The following SLC25A46 variants were observed in gnomAD, a reference collection of about 807,000 sequenced individuals.
The protein encoded by SLC25A46 is mitochondrial outer membrane protein SLC25A46.
In SLC25A46, 39 loss-of-function variants were observed where a neutral mutation model predicts 44.6. That is an observed-to-expected ratio of 0.87 (90% confidence interval 0.68 to 1.14). The LOEUF is 1.14. Ranked by LOEUF, SLC25A46 falls within the 50% of genes most tolerant of loss-of-function variation. SLC25A46 has a pLI of 0.00. For synonymous variants in SLC25A46, 202 were observed against 185.8 expected, an observed-to-expected ratio of 1.09 and a Z score of -0.71; for missense variants, 547 against 522.7, an observed-to-expected ratio of 1.05 and a Z score of -0.45.
At chr5:110,739,000 G>A, upstream of SLC25A46, 5 of 1,466,444 alleles carry the variant, frequency 3.4e-6, no homozygotes, top group Non-Finnish European at 2.7e-6. Flanking sequence ...CGTGACTTCC[G>A]GTTGTCAGAA....
At chr5:110,755,316 C>G in intron 5 of SLC25A46, 149 bp from the exon 6 acceptor site, 1 of 559,318 alleles carries the variant, frequency 1.8e-6, no homozygotes, top group South Asian at 2.4e-5. Context: ...ACACTGTGTT[C>G]TAGAAAAGAA....
intron 5 of SLC25A46, chr5:110,754,379 T>C (rs1417808704): frequency 3.3e-5 from 5 of 150,626 alleles, no homozygotes; most frequent in African/African-American, 9.7e-5. Context: ...TTTCTTCTTA[T>C]TTACTTTCTT....
upstream of SLC25A46, chr5:110,738,810 C>A: frequency 2.0e-6 from 1 of 511,800 alleles, no homozygotes; most frequent in Non-Finnish European, 3.3e-6. Flanking sequence ...CACCAGTTCT[C>A]TTTCTGGAAT....
chr5:110,760,640 C>T (rs1046088853), intron 7 of SLC25A46, among the ~76,000 whole-genome samples: 5 of 152,102 alleles, frequency 3.3e-5, no homozygotes, highest in Non-Finnish European at 7.4e-5. Context: ...TTCATATCCC[C>T]AAAATTCTAC....
At chr5:110,745,397 G>A (rs1799790937) in intron 3 of SLC25A46, among the ~76,000 whole-genome samples, 2 of 152,068 alleles carry the variant, frequency 1.3e-5, no homozygotes, top group Non-Finnish European at 2.9e-5. Context: ...GGGACTACAG[G>A]AGCCCGCCAC....
intron 6 of SLC25A46, 97 bp from the exon 7 acceptor site, chr5:110,756,605 G>T: frequency 1.3e-6 from 1 of 743,196 alleles, no homozygotes; most frequent in South Asian, 2.1e-5. Context: ...ATTCTAGCTT[G>T]ACTATAAATT....
intron 7 of SLC25A46, among the ~76,000 whole-genome samples, chr5:110,760,211 C>G (rs1198682654): frequency 1.3e-5 from 2 of 152,082 alleles, no homozygotes; most frequent in African/African-American, 2.4e-5. Context: ...TTGCATACCC[C>G]AAATGCAATT....
Position 110,739,062 on chromosome 5 carries a change from T to TGGTGGCCCC in SLC25A46, c.-52_-44dup, listed in dbSNP as rs1157696477. The TGGTGGCCCC allele has an allele frequency of 6.6e-7, 1 of 1,526,336 alleles. No homozygotes were observed. The highest frequency in any genetic ancestry group is 8.8e-7 in the Non-Finnish European group (1 of 1,142,420). 94.5% of individuals were successfully genotyped at this position (1,526,336 alleles called of 1,614,324 possible). On this transcript the variant is annotated 5_prime_UTR_variant, in exon 1 of 8. Transcript: ENST00000355943. Reference sequence around the variant, plus strand: ...CGGGAAGCTGTGTGTGCTTAGGTCGTGGTGGCCCCGGTGGTGGTGGGCTCC... The same window carrying TGGTGGCCCC: ...CGGGAAGCTGTGTGTGCTTAGGTCGTGGTGGCCCCGGTGGCCCCGGTGGTGGTGGGCTCC...
In SLC25A46 at chr5:110,761,293, A is replaced by G. The variant is rs767016318; in HGVS notation, c.768A>G (p.Lys256=). Residue 256 remains lysine, a synonymous_variant, in exon 8 of 8, where the codon AAA becomes AAG. Transcript: ENST00000355943. This position sits in a 1 kb window ranked among gnomAD's most constrained non-coding sequence, Gnocchi z 5.3. ...RVIGMGVPHS[K]RLLPLLSLIF... is the part of the protein sequence containing the mutation. Reference sequence around the variant, plus strand: ...TAGGCATGGGAGTGCCTCATAGCAAACGACTTCTTCCGCTTCTTTCCTTGA... The same window carrying G: ...TAGGCATGGGAGTGCCTCATAGCAAGCGACTTCTTCCGCTTCTTTCCTTGA... 1 of 1,613,730 alleles carries G rather than the reference A, an allele frequency of 6.2e-7. No individual in the cohort carries two copies. The highest frequency in any genetic ancestry group is 8.5e-7 in the Non-Finnish European group (1 of 1,179,760).
chr5:110,747,177 A>G (rs1286792480), intron 4 of SLC25A46, among the ~76,000 whole-genome samples: 2 of 152,336 alleles, frequency 1.3e-5, no homozygotes, highest in East Asian at 3.9e-4. Context: ...AGGATGTCCT[A>G]TGACATTGCA....
At chr5:110,756,872 A>G (rs1800130320) in intron 7 of SLC25A46, 113 bp downstream of exon 7, 2 of 584,482 alleles carry the variant, frequency 3.4e-6, no homozygotes, top group Non-Finnish European at 5.5e-6. Context: ...ATGTCTTAAA[A>G]TATTTATTTT....
chr5:110,738,523 A>T (rs1399243113), upstream of SLC25A46, among the ~76,000 whole-genome samples: 1 of 152,060 alleles, frequency 6.6e-6, no homozygotes, highest in Non-Finnish European at 1.5e-5. Flanking sequence ...TTTCGCGTTC[A>T]CTGGGCGGTA....
rs1287307533 is a variant in SLC25A46, at chr5:110,761,590, T to G, written c.1065T>G (p.Leu355=). The G allele has an allele frequency of 6.2e-7, 1 of 1,613,768 alleles. No homozygotes were observed. The highest frequency in any genetic ancestry group is 8.5e-7 in the Non-Finnish European group (1 of 1,179,770). ...GTRTIIDNTD[L]GYEVLPINTQ... Reference sequence around the variant, plus strand: ...GCACAATAATTGACAATACAGACCTTGGCTATGAAGTGCTTCCAATTAATA... The same window carrying G: ...GCACAATAATTGACAATACAGACCTGGGCTATGAAGTGCTTCCAATTAATA... Residue 355 remains leucine, a synonymous_variant, in exon 8 of 8, where the codon CTT becomes CTG. Transcript: ENST00000355943. This position sits in a 1 kb window ranked among gnomAD's most constrained non-coding sequence, Gnocchi z 5.3.
intron 5 of SLC25A46, chr5:110,754,510 C>T (rs76453799): frequency 0.021 from 3,129 of 150,200 alleles, 36 homozygotes; most frequent in African/African-American, 0.031. Context: ...TGCCTCCCTC[C>T]CTCCCTTCCT....
chr5:110,758,543 C>A (rs1384522469), intron 7 of SLC25A46, among the ~76,000 whole-genome samples: 1 of 151,774 alleles, frequency 6.6e-6, no homozygotes, highest in Non-Finnish European at 1.5e-5. Context: ...ATTAAGAATC[C>A]TTGAGGCCTA....
intron 6 of SLC25A46, chr5:110,755,892 G>C (rs1337221169): frequency 1.3e-5 from 2 of 155,224 alleles, no homozygotes; most frequent in Non-Finnish European, 2.8e-5. Flanking sequence ...AAAAACCTTA[G>C]TGACATTGAA....
Position 110,761,652 on chromosome 5 carries a change from T to C in SLC25A46, c.1127T>C (p.Ile376Thr), listed in dbSNP as rs143674069. 6.2e-7 allele frequency: 1 copy of C among 1,613,474 alleles called. No homozygotes were observed. Reference protein sequence around the residue: ...YEGMRDCINTIRQEEGVFGFY... With the variant: ...YEGMRDCINTTRQEEGVFGFY... ...GGAATGAGAGACTGTATCAATACCA[T>C]AAGGCAGGAGGAAGGAGTGTTTGGT... The change falls in exon 8 of 8, where the codon ATA becomes ACA. Residue 376 changes from isoleucine to threonine, a missense_variant. Coordinates refer to ENST00000355943, the MANE Select transcript of SLC25A46 (RefSeq NM_138773.4). This position sits in a 1 kb window ranked among gnomAD's most constrained non-coding sequence, Gnocchi z 5.3.
At chr5:110,756,784 T>C (rs984453171) in intron 7 of SLC25A46, 25 bp downstream of exon 7, 3 of 1,496,512 alleles carry the variant, frequency 2.0e-6, no homozygotes, top group East Asian at 4.8e-5. Context: ...ACTGTCATTT[T>C]TTTTTTATTT....
At chr5:110,751,491 C>T (rs945547835) in intron 5 of SLC25A46, among the ~76,000 whole-genome samples, 9 of 152,128 alleles carry the variant, frequency 5.9e-5, no homozygotes, top group African/African-American at 1.7e-4. Context: ...GGCTGGAGCT[C>T]TGGCCAAGGG....
Sources: allele counts gnomAD v4.1 joint callset (sites outside exome capture counted in the v4.1 genomes callset), GRCh38; gene constraint gnomAD v4.1.1; non-coding constraint Gnocchi (gnomAD v3.1); transcripts MANE v1.5; gene names NCBI Gene and HGNC (gene_info 2026-07-23, HGNC 2026-07-21).